Variants in DNM1L observed in about 807,000 individuals in gnomAD.
DNM1L encodes dynamin-1-like protein.
A neutral mutation model predicts 92.8 loss-of-function variants in DNM1L; 33 were observed. The observed-to-expected ratio is 0.36, with a 90% CI of 0.27 to 0.48. The LOEUF (loss-of-function observed/expected upper bound fraction) is 0.48, where lower values mean the gene tolerates loss of function less well. Ranked by LOEUF, DNM1L falls within the 20% of genes least tolerant of loss-of-function variation. The probability of loss-of-function intolerance (pLI) is 0.99; values close to 1 mark genes in which losing one functional copy is unlikely to be tolerated. For synonymous variants in DNM1L, 284 were observed against 305.0 expected (o/e 0.93, Z 0.72); for missense variants, 485 against 888.8 (o/e 0.55, Z 5.78).
At chr12:32,724,868 T>A (rs1954030558) in intron 9 of DNM1L, among the ~76,000 whole-genome samples, 2 of 151,590 alleles carry the variant, frequency 1.3e-5, no homozygotes, top group Non-Finnish European at 2.9e-5. Context: ...TAACTGAATA[T>A]GCCTTAACAC....
chr12:32,731,581 G>A lies in DNM1L; in HGVS notation c.1356+70G>A, dbSNP rs757036856. 70 of 1,582,274 alleles carry A rather than the reference G, an allele frequency of 4.4e-5. No homozygotes were observed. Among genetic ancestry groups the A allele is most frequent in the Non-Finnish European group, 5.4e-5 (63 of 1,158,346 alleles). On this transcript the variant is annotated intron_variant, in intron 11 of 19. Transcript: ENST00000549701. This position sits in a 1 kb window ranked among gnomAD's most constrained non-coding sequence, Gnocchi z 5.1. ...ACATGAAGTGGTGGTTTCACTGGGT[G>A]GAAGGAAATGTATAAGATGGGATAC...
intron 1 of DNM1L, among the ~76,000 whole-genome samples, chr12:32,684,757 C>T (rs935068337): frequency 5.3e-5 from 8 of 152,284 alleles, no homozygotes; most frequent in Non-Finnish European, 8.8e-5. Context: ...GCATGAGCCA[C>T]TCAACATAAT....
chr12:32,711,306 C>T lies in DNM1L; in HGVS notation c.456+291C>T, dbSNP rs141046663. ...CCCAGAGCTCAGTTTATGGAACTCT[C>T]GTTTTCTCTAGGTACACTTTCCCTT... On this transcript the variant is annotated intron_variant, in intron 5 of 19. Coordinates refer to ENST00000549701, the MANE Select transcript of DNM1L (RefSeq NM_012062.5). 1.8e-4 allele frequency: 63 copies of T among 343,314 alleles called. No homozygotes were observed. The East Asian group carries it at 3.3e-3, about 18-fold the overall frequency. 21.3% of individuals were successfully genotyped at this position (343,314 alleles called of 1,614,324 possible). A position where few individuals can be genotyped will look rare whatever the true frequency, so the allele number is the denominator to read the frequency against.
intron 6 of DNM1L, among the ~76,000 whole-genome samples, chr12:32,717,239 TTTATATATAGTATATATAGTA>T (rs1953443643): frequency 9.4e-6 from 1 of 106,140 alleles, no homozygotes; most frequent in Non-Finnish European, 1.7e-5. Flanking sequence ...TTATATATAT[TTTATATATAGTATATATAGTA>T]TATATATACT....
chr12:32,688,168 G>C (rs1293921053), intron 1 of DNM1L, among the ~76,000 whole-genome samples: 2 of 151,836 alleles, frequency 1.3e-5, no homozygotes, highest in Admixed American at 6.6e-5. Flanking sequence ...CAGGTGATCT[G>C]CCCACCTTGG....
chr12:32,738,347 A>G (rs939741579), intron 16 of DNM1L, 51 bp downstream of exon 16: 1 of 1,595,762 alleles, frequency 6.3e-7, no homozygotes, highest in Non-Finnish European at 8.6e-7. Context: ...GTTCTCACTG[A>G]AACACTGTCT....
chr12:32,733,313 C>T (rs893422769), intron 12 of DNM1L: 4 of 220,932 alleles, frequency 1.8e-5, no homozygotes, highest in South Asian at 6.6e-5. Context: ...TGCCTTGTTA[C>T]GAACTTATTT....
At chr12:32,694,443 AACTT>A (rs1215330323) in intron 1 of DNM1L, among the ~76,000 whole-genome samples, 2 of 152,192 alleles carry the variant, frequency 1.3e-5, no homozygotes, top group Admixed American at 1.3e-4. Flanking sequence ...GTGACTGACT[AACTT>A]TAACTTAGCA....
intron 2 of DNM1L, chr12:32,705,850 A>T: frequency 6.3e-7 from 1 of 1,597,994 alleles, no homozygotes; most frequent in Non-Finnish European, 8.5e-7. Flanking sequence ...AAAACTCAAG[A>T]CACCTTTCTA....
chr12:32,716,560 C>G (rs1016177787), intron 6 of DNM1L, among the ~76,000 whole-genome samples: 1 of 151,924 alleles, frequency 6.6e-6, no homozygotes, highest in African/African-American at 2.4e-5. Context: ...CTCAAGCAAT[C>G]TGTCTGCCTT....
chr12:32,698,804 T>C (rs920860035), intron 1 of DNM1L, among the ~76,000 whole-genome samples: 16 of 152,294 alleles, frequency 1.1e-4, no homozygotes, highest in African/African-American at 3.8e-4. Context: ...TAGCTGTTAG[T>C]ATTGATATTT....
rs1954524679 is a variant in DNM1L, at chr12:32,731,128, T to C, written c.1194T>C (p.Asn398=). Residue 398 remains asparagine (N), a synonymous_variant, in exon 10 of 20, where the codon AAT becomes AAC. Transcript: ENST00000549701. This position sits in a 1 kb window ranked among gnomAD's most constrained non-coding sequence, Gnocchi z 5.1. ...TTGACATTTTGACTGCCATTAGAAATGCTACTGTGAGTATGTTTAGCTTTT... is the reference window on the plus strand; with the variant it reads ...TTGACATTTTGACTGCCATTAGAAACGCTACTGTGAGTATGTTTAGCTTTT... ...NTIDILTAIR[N]ATGPRPALFV... is the part of the protein sequence containing the mutation. The C allele has an allele frequency of 2.5e-6, 4 of 1,613,944 alleles. No individual in the cohort carries two copies. The highest frequency in any genetic ancestry group is 2.2e-5 in the South Asian group (2 of 91,074).
At chr12:32,705,816 T>C in intron 2 of DNM1L, 2 of 1,597,542 alleles carry the variant, frequency 1.3e-6, no homozygotes, top group Non-Finnish European at 1.7e-6. Context: ...TGTTTCTCTT[T>C]AACTACAGAC....
In DNM1L at chr12:32,679,458, G is replaced by T; in HGVS notation, c.95G>T (p.Gly32Val). 1 of 1,612,128 alleles carries T rather than the reference G, an allele frequency of 6.2e-7. No homozygotes were observed. ...IIQLPQIVVVGTQSSGKSSVL... is the reference protein window; with the variant it reads ...IIQLPQIVVVVTQSSGKSSVL... ...CAGCTGCCTCAAATCGTCGTAGTGG[G>T]AACGCAGGTGAGAGCAGCAGGCGGC... Residue 32 changes from glycine (G) to valine (V), a missense_variant, in exon 1 of 20, where the codon GGA becomes GTA. Physicochemically the swap from Gly to Val is moderately radical, Grantham distance 109 (BLOSUM62 -3). This residue lies in a region of DNM1L where 9 missense variants were observed against 38.5 expected (regional missense o/e 0.23). Transcript: ENST00000549701.
intron 8 of DNM1L, 45 bp from the exon 9 acceptor site, chr12:32,722,382 A>G (rs776318696): frequency 6.4e-7 from 1 of 1,557,614 alleles, no homozygotes. Context: ...GGGCTTTAGA[A>G]TACACAATTT....
chr12:32,690,077 T>TCCCAGAAAGA (rs1952175807), intron 1 of DNM1L, among the ~76,000 whole-genome samples: 2 of 152,328 alleles, frequency 1.3e-5, no homozygotes, highest in South Asian at 4.1e-4. Flanking sequence ...CTCTTGTAGC[T>TCCCAGAAAGA]ACTCGACTTT....
chr12:32,705,735 C>T, intron 2 of DNM1L: 1 of 1,148,368 alleles, frequency 8.7e-7, no homozygotes, highest in Non-Finnish European at 1.3e-6. Context: ...GAAATGTGAT[C>T]AGGTTTCTGC....
At position 32,737,730 on chromosome 12, in the gene DNM1L, A is replaced by G. The variant is rs963208620; in HGVS notation, c.1597-135A>G. The G allele has an allele frequency of 1.2e-5, 9 of 731,988 alleles. No homozygotes were observed. In the African/African-American group the frequency reaches 1.4e-4, roughly 11 times the overall value. The allele number at this position is 731,988 out of a possible 1,614,324, so 45.3% of individuals were successfully genotyped here. A position where few individuals can be genotyped will look rare whatever the true frequency, so the allele number is the denominator to read the frequency against. On this transcript the variant is annotated intron_variant, in intron 14 of 19. Transcript: ENST00000549701. ...TGAAGGAAATAAGGCAGAATAAACA[A>G]TCTCCCATGATTATTTTCATCTTTC...
intron 9 of DNM1L, among the ~76,000 whole-genome samples, chr12:32,729,798 A>G (rs1018741335): frequency 4.6e-5 from 7 of 152,106 alleles, no homozygotes; most frequent in East Asian, 1.9e-4. Flanking sequence ...TATTGTAGAT[A>G]TTTCATATAA....
Sources: gnomAD v4.1 joint callset for allele counts (sites outside exome capture counted in the v4.1 genomes callset) on GRCh38, gnomAD v4.1.1 for gene constraint, gnomAD v4.1.1 regional missense constraint, Gnocchi (gnomAD v3.1) non-coding constraint, MANE v1.5 for transcripts, NCBI Gene and HGNC (gene_info 2026-07-23, HGNC 2026-07-21) for gene names.